The following LRRC4C variants were observed in gnomAD, a reference collection of about 807,000 sequenced individuals.
The protein encoded by LRRC4C is leucine-rich repeat-containing protein 4C.
Under a neutral mutation model 33.6 loss-of-function variants are expected in LRRC4C, and 5 were observed. The observed-to-expected ratio is 0.15, with a 90% CI of 0.08 to 0.31. LRRC4C has a LOEUF of 0.31. LRRC4C is among the 10% of genes least tolerant of loss of function. The pLI is 1.00. For missense variants in LRRC4C, 560 were observed against 796.7 expected, an observed-to-expected ratio of 0.70 and a Z score of 3.58; for synonymous variants, 329 against 302.0, an observed-to-expected ratio of 1.09 and a Z score of -0.93.
chr11:40,720,795 C>A (rs1433172089), intron 2 of LRRC4C, among the ~76,000 whole-genome samples: 1 of 152,092 alleles, frequency 6.6e-6, no homozygotes, highest in African/African-American at 2.4e-5. Flanking sequence ...AGAATAAAAT[C>A]TTGGTGATTT....
chr11:41,054,713 T>C (rs1425003991), intron 1 of LRRC4C, among the ~76,000 whole-genome samples: 1 of 152,214 alleles, frequency 6.6e-6, no homozygotes, highest in East Asian at 1.9e-4. Flanking sequence ...ATTTATTTTG[T>C]GCCAGGCACT....
intron 5 of LRRC4C, among the ~76,000 whole-genome samples, chr11:40,165,233 T>C (rs556374397): frequency 3.3e-5 from 5 of 152,248 alleles, no homozygotes; most frequent in Non-Finnish European, 7.3e-5. Flanking sequence ...CATATATGTA[T>C]ATATATTCGC....
chr11:41,222,973 A>AT (rs1947373607), intron 1 of LRRC4C: 1 of 152,132 alleles, frequency 6.6e-6, no homozygotes, highest in South Asian at 2.1e-4. Context: ...CTCTTCATCA[A>AT]ATACGGATAA....
At chr11:41,177,435 G>T (rs1481283363) in intron 1 of LRRC4C, among the ~76,000 whole-genome samples, 2 of 152,144 alleles carry the variant, frequency 1.3e-5, no homozygotes, top group Non-Finnish European at 2.9e-5. Flanking sequence ...GGAAGATGTT[G>T]AGATAACTCC....
intron 1 of LRRC4C, among the ~76,000 whole-genome samples, chr11:41,428,320 T>G (rs1590249882): frequency 6.6e-6 from 1 of 151,960 alleles, no homozygotes; most frequent in Non-Finnish European, 1.5e-5. Flanking sequence ...ATGTGGGAGG[T>G]GAGAAAAAAG....
intron 1 of LRRC4C, among the ~76,000 whole-genome samples, chr11:41,447,563 G>A (rs1025685669): frequency 1.3e-5 from 2 of 152,158 alleles, no homozygotes; most frequent in African/African-American, 4.8e-5. Context: ...ATCAGCAAGT[G>A]TCCTACCTTC....
At chr11:40,306,941 G>GTT (rs5791371) in intron 4 of LRRC4C, among the ~76,000 whole-genome samples, 12 of 146,934 alleles carry the variant, frequency 8.2e-5, no homozygotes, top group Non-Finnish European at 6.0e-5. Flanking sequence ...AGGTTATCTG[G>GTT]TTTTTTTTTT....
At chr11:40,196,999 A>G (rs543719685) in intron 5 of LRRC4C, among the ~76,000 whole-genome samples, 1 of 152,320 alleles carries the variant, frequency 6.6e-6, no homozygotes, top group East Asian at 1.9e-4. Context: ...CACTATTGGG[A>G]TACTGAAAGG....
At chr11:40,193,614 T>C (rs1029630063) in intron 5 of LRRC4C, among the ~76,000 whole-genome samples, 2 of 152,074 alleles carry the variant, frequency 1.3e-5, no homozygotes, top group Non-Finnish European at 2.9e-5. Context: ...GTATGACTAA[T>C]TGACAGAAGA....
chr11:40,194,515 C>G (rs191041998), intron 5 of LRRC4C, among the ~76,000 whole-genome samples: 9 of 151,816 alleles, frequency 5.9e-5, no homozygotes, highest in African/African-American at 1.9e-4. Flanking sequence ...CAAACTAACA[C>G]AGGAACAGAA....
intron 3 of LRRC4C, among the ~76,000 whole-genome samples, chr11:40,591,199 C>G (rs965743664): frequency 2.0e-5 from 3 of 152,124 alleles, no homozygotes. Context: ...TTTTTAAGCC[C>G]GTCGGAAAAG....
At chr11:40,297,377 T>G (rs748482199) in intron 4 of LRRC4C, among the ~76,000 whole-genome samples, 1 of 152,214 alleles carries the variant, frequency 6.6e-6, no homozygotes, top group Non-Finnish European at 1.5e-5. Flanking sequence ...TAATGACATG[T>G]GAATTAATTT....
At chr11:40,384,751 T>C (rs1319435800) in intron 3 of LRRC4C, among the ~76,000 whole-genome samples, 4 of 152,210 alleles carry the variant, frequency 2.6e-5, no homozygotes, top group African/African-American at 4.8e-5. Context: ...TCTTTTTTCA[T>C]CACAATATAT....
At chr11:40,364,268 C>T (rs983424873) in intron 3 of LRRC4C, among the ~76,000 whole-genome samples, 5 of 151,954 alleles carry the variant, frequency 3.3e-5, no homozygotes, top group South Asian at 2.1e-4. Flanking sequence ...ATGAAACAGA[C>T]GTTGAGCTGA....
At chr11:41,026,331 A>C (rs2137751637) in intron 1 of LRRC4C, among the ~76,000 whole-genome samples, 1 of 151,796 alleles carries the variant, frequency 6.6e-6, no homozygotes, top group Admixed American at 6.6e-5. Context: ...CAGTGAGGGA[A>C]GTAACTGCAG....
At chr11:40,863,252 C>T (rs758567940) in intron 2 of LRRC4C, among the ~76,000 whole-genome samples, 12 of 152,160 alleles carry the variant, frequency 7.9e-5, no homozygotes, top group East Asian at 1.9e-4. Flanking sequence ...CCAAGAATAT[C>T]GCCTGATGTT....
intron 2 of LRRC4C, among the ~76,000 whole-genome samples, chr11:40,918,903 A>G (rs189063996): frequency 1.3e-5 from 2 of 152,248 alleles, no homozygotes; most frequent in Non-Finnish European, 2.9e-5. Context: ...CAAACCACTG[A>G]ATGTACTTAT....
At chr11:41,042,555 G>C (rs1857503742) in intron 1 of LRRC4C, among the ~76,000 whole-genome samples, 1 of 152,048 alleles carries the variant, frequency 6.6e-6, no homozygotes, top group Non-Finnish European at 1.5e-5. Flanking sequence ...CCGCAACTGG[G>C]TTCCCTCCAC....
chr11:40,882,938 A>C (rs2136037764), intron 2 of LRRC4C, among the ~76,000 whole-genome samples: 1 of 152,240 alleles, frequency 6.6e-6, no homozygotes, highest in South Asian at 2.1e-4. Flanking sequence ...AAATCAACTA[A>C]AATTTGCTTC....
Sources: allele counts gnomAD v4.1 joint callset (sites outside exome capture counted in the v4.1 genomes callset), GRCh38; gene constraint gnomAD v4.1.1; transcripts MANE v1.5; gene names NCBI Gene and HGNC (gene_info 2026-07-23, HGNC 2026-07-21).